The following RORA variants were observed in gnomAD, a reference collection of about 807,000 sequenced individuals.
RORA encodes nuclear receptor ROR-alpha.
Under a neutral mutation model 69.5 loss-of-function variants are expected in RORA, and 7 were observed. The ratio of observed to expected loss-of-function variants is 0.10; its 90% CI spans 0.06 to 0.19. RORA has a LOEUF of 0.19. Among genes scored for constraint, RORA ranks in the 10% least tolerant of loss-of-function variants. The pLI is 1.00. For synonymous variants in RORA, 261 were observed against 240.8 expected, an observed-to-expected ratio of 1.08 and a Z score of -0.78; for missense variants, 457 against 663.0, an observed-to-expected ratio of 0.69 and a Z score of 3.41.
chr15:61,042,782 C>T (rs1228925076), intron 1 of RORA, among the ~76,000 whole-genome samples: 1 of 152,194 alleles, frequency 6.6e-6, no homozygotes, highest in African/African-American at 2.4e-5. Flanking sequence ...CTTTATTTAC[C>T]TCATTTTTGC....
chr15:60,766,968 T>G (rs115437594), intron 1 of RORA, among the ~76,000 whole-genome samples: 2 of 152,110 alleles, frequency 1.3e-5, no homozygotes, highest in Admixed American at 1.3e-4. Context: ...GGAGAGAAGA[T>G]AGAGATCAAA....
At chr15:60,712,273 A>C (rs2140810436) in intron 1 of RORA, among the ~76,000 whole-genome samples, 1 of 152,322 alleles carries the variant, frequency 6.6e-6, no homozygotes, top group Non-Finnish European at 1.5e-5. Context: ...GTATATTCCA[A>C]CATTTAAACA....
At chr15:60,546,897 GAGC>G (rs943251607) in intron 2 of RORA, among the ~76,000 whole-genome samples, 13 of 152,278 alleles carry the variant, frequency 8.5e-5, no homozygotes, top group Admixed American at 2.6e-4. Flanking sequence ...GTGTTCTTTT[GAGC>G]AGGATTTTCC....
At chr15:60,999,317 T>A (rs1894671246) in intron 1 of RORA, among the ~76,000 whole-genome samples, 1 of 151,348 alleles carries the variant, frequency 6.6e-6, no homozygotes. Context: ...GAACATGGGG[T>A]TCTCAAAAGA....
intron 1 of RORA, among the ~76,000 whole-genome samples, chr15:60,739,058 A>G (rs1240124450): frequency 1.3e-5 from 2 of 152,216 alleles, no homozygotes; most frequent in African/African-American, 4.8e-5. Flanking sequence ...TTATTTTTCA[A>G]ATAAGGTCAC....
rs573291169 is a variant in RORA, at chr15:61,042,100, C to T, written c.166+186953G>A. On this transcript the variant is annotated intron_variant, in intron 1 of 10. Transcript: ENST00000335670. ...GTCTAGGTTGGCCTTTTTCCAAAGG[C>T]TAAATCCTTTCCGGAATACAACTTT... Among the ~76,000 whole-genome samples the T allele has an allele frequency of 2.6e-5, 4 of 152,240 alleles. No individual in the cohort carries two copies. The South Asian group carries it at 8.3e-4, about 32-fold the overall frequency.
chr15:60,700,576 G>T (rs74333036), intron 1 of RORA, among the ~76,000 whole-genome samples: 2 of 152,094 alleles, frequency 1.3e-5, no homozygotes, highest in Non-Finnish European at 2.9e-5. Context: ...AAGCAAGAAA[G>T]AAGTCAGGAA....
chr15:60,735,704 A>G (rs1325592329), intron 1 of RORA, among the ~76,000 whole-genome samples: 1 of 152,216 alleles, frequency 6.6e-6, no homozygotes, highest in South Asian at 2.1e-4. Flanking sequence ...CTTTCATAGA[A>G]GAGATGAACT....
intron 1 of RORA, among the ~76,000 whole-genome samples, chr15:60,704,666 G>A (rs1002909378): frequency 1.3e-5 from 2 of 152,190 alleles, no homozygotes; most frequent in African/African-American, 4.8e-5. Context: ...AGAACGTAGA[G>A]ATAGAACTAA....
chr15:61,180,265 T>C (rs1188799306), intron 1 of RORA, among the ~76,000 whole-genome samples: 1 of 150,404 alleles, frequency 6.6e-6, no homozygotes, highest in East Asian at 2.0e-4. Flanking sequence ...GCAGTACAAA[T>C]ACGTTTTCAT....
chr15:60,767,569 G>A (rs1008655319), intron 1 of RORA, among the ~76,000 whole-genome samples: 1 of 152,146 alleles, frequency 6.6e-6, no homozygotes, highest in African/African-American at 2.4e-5. Flanking sequence ...AAGTCCCCAG[G>A]AAGGGTGCAA....
chr15:60,936,845 G>T (rs1023801828), intron 1 of RORA, among the ~76,000 whole-genome samples: 1 of 152,204 alleles, frequency 6.6e-6, no homozygotes, highest in African/African-American at 2.4e-5. Flanking sequence ...ATGTCCAGTC[G>T]TTGAGGACTG....
chr15:61,037,677 G>C (rs1253754427), intron 1 of RORA, among the ~76,000 whole-genome samples: 1 of 152,160 alleles, frequency 6.6e-6, no homozygotes, highest in Non-Finnish European at 1.5e-5. Context: ...GATTCACCTA[G>C]ATGCTGAGGA....
chr15:61,011,382 C>A (rs1418219023), intron 1 of RORA, among the ~76,000 whole-genome samples: 1 of 152,074 alleles, frequency 6.6e-6, no homozygotes, highest in Non-Finnish European at 1.5e-5. Context: ...TAATGATATC[C>A]TAAAACTAAT....
At chr15:60,794,631 T>A (rs1307727523) in intron 1 of RORA, among the ~76,000 whole-genome samples, 2 of 152,240 alleles carry the variant, frequency 1.3e-5, no homozygotes, top group Admixed American at 1.3e-4. Flanking sequence ...AATATCCCTA[T>A]GAGCTGCCTG....
chr15:60,896,474 C>A (rs1263300379), intron 1 of RORA, among the ~76,000 whole-genome samples: 3 of 152,102 alleles, frequency 2.0e-5, no homozygotes, highest in Non-Finnish European at 4.4e-5. Context: ...CTCCTGATAC[C>A]CACACAGGAA....
intron 3 of RORA, chr15:60,519,974 T>C (rs1168596797): frequency 6.6e-6 from 1 of 152,188 alleles, no homozygotes; most frequent in East Asian, 1.9e-4. Flanking sequence ...AGTGGCACTG[T>C]GGCTCGAACC....
intron 1 of RORA, among the ~76,000 whole-genome samples, chr15:60,927,834 G>A (rs912543419): frequency 1.3e-4 from 20 of 152,138 alleles, no homozygotes; most frequent in African/African-American, 3.4e-4. Context: ...GAATGCAAGC[G>A]TCAGATTTTG....
chr15:60,821,363 C>T (rs569909050), intron 1 of RORA, among the ~76,000 whole-genome samples: 50 of 152,290 alleles, frequency 3.3e-4, no homozygotes, highest in East Asian at 1.2e-3. Flanking sequence ...GCACTGGGTC[C>T]GCTCCATCTG....
Sources: gnomAD v4.1 joint callset for allele counts (sites outside exome capture counted in the v4.1 genomes callset) on GRCh38, gnomAD v4.1.1 for gene constraint, MANE v1.5 for transcripts, NCBI Gene and HGNC (gene_info 2026-07-23, HGNC 2026-07-21) for gene names.